The following LRCH2 variants were observed in gnomAD, a reference collection of about 807,000 sequenced individuals.
LRCH2 encodes leucine rich repeats and calponin homology domain containing 2, also known as leucine-rich repeat and calponin homology domain-containing protein 2.
A neutral mutation model predicts 68.9 loss-of-function variants in LRCH2; 38 were observed. The ratio of observed to expected loss-of-function variants is 0.55; its 90% CI spans 0.43 to 0.72. The LOEUF is 0.72. Among genes scored for constraint, LRCH2 ranks in the 30% least tolerant of loss-of-function variants. The pLI is 0.00. For synonymous variants in LRCH2, 191 were observed against 208.1 expected (o/e 0.92, Z 0.71); for missense variants, 528 against 572.9 (o/e 0.92, Z 0.80).
At chrX:115,194,164 T>A (rs189928539) in intron 1 of LRCH2, among the ~76,000 whole-genome samples, 1 of 111,283 alleles carries the variant, frequency 9.0e-6, no homozygotes, top group African/African-American at 3.3e-5. Flanking sequence ...AGGAGAGAGA[T>A]ATATATTCTC....
chrX:115,137,047 C>A (rs2147358954), intron 14 of LRCH2, among the ~76,000 whole-genome samples: 1 of 111,726 alleles, frequency 9.0e-6, no homozygotes, highest in African/African-American at 3.2e-5. Flanking sequence ...GTGCTGGGAA[C>A]ATTATCAATC....
At chrX:115,159,484 G>T (rs1603047735) in intron 11 of LRCH2, among the ~76,000 whole-genome samples, 2 of 110,609 alleles carry the variant, frequency 1.8e-5, no homozygotes, top group East Asian at 5.7e-4. Context: ...CGGCGCGGTG[G>T]CTCACGCCTG....
intron 1 of LRCH2, among the ~76,000 whole-genome samples, chrX:115,215,424 C>T (rs1556571179): frequency 9.0e-6 from 1 of 110,789 alleles, no homozygotes; most frequent in Non-Finnish European, 1.9e-5. Flanking sequence ...TTCAACCTCA[C>T]TGTAATCAAA....
At chrX:115,128,384 C>T (rs993419958) in intron 15 of LRCH2, among the ~76,000 whole-genome samples, 2 of 111,618 alleles carry the variant, frequency 1.8e-5, no homozygotes, top group Non-Finnish European at 3.8e-5. Context: ...AATATATGTG[C>T]TATGTTTTTT....
At chrX:115,189,673 G>A (rs1343663563) in intron 1 of LRCH2, 4 of 1,167,332 alleles carry the variant, frequency 3.4e-6, no homozygotes, top group Non-Finnish European at 4.6e-6. Context: ...GGATGGTAAG[G>A]CCATCATGGT....
intron 12 of LRCH2, among the ~76,000 whole-genome samples, chrX:115,155,423 G>T (rs2072467662): frequency 9.1e-6 from 1 of 110,315 alleles, no homozygotes; most frequent in Non-Finnish European, 1.9e-5. Context: ...TTCTACACAT[G>T]TATCTCAGAA....
At chrX:115,210,949 CT>C (rs1471724896) in intron 1 of LRCH2, among the ~76,000 whole-genome samples, 2 of 112,029 alleles carry the variant, frequency 1.8e-5, no homozygotes, top group African/African-American at 6.5e-5. Context: ...TTTGGAATGG[CT>C]GTATTTACCC....
chrX:115,189,999 G>A lies in LRCH2; in HGVS notation c.350-1629C>T, dbSNP rs1160072360. 7.8e-6 allele frequency: 9 copies of A among 1,160,431 alleles called. No homozygotes were observed. The Admixed American group carries it at 1.3e-4, about 17-fold the overall frequency. On this transcript the variant is annotated intron_variant, in intron 1 of 20. Coordinates refer to ENST00000317135, the MANE Select transcript of LRCH2 (RefSeq NM_020871.4). ...TGCGCGGGAAGGCACCGACTGTGTC[G>A]GGGCAAGATGGCTACTCAGGCTTGC...
intron 7 of LRCH2, 49 bp from the exon 8 acceptor site, chrX:115,166,001 T>A: frequency 1.1e-6 from 1 of 890,134 alleles, no homozygotes; most frequent in African/African-American, 2.0e-5. Flanking sequence ...AAACTTACGA[T>A]ATGGATTATG....
At position 115,192,755 on chromosome X, in the gene LRCH2, T is replaced by C; in HGVS notation, c.350-4385A>G. Reference sequence around the variant, plus strand: ...ATAAGTAGGAGTTGTTTTTACCTTTTAAGAATTTCCTGTTAAGATCTCCAT... The same window carrying C: ...ATAAGTAGGAGTTGTTTTTACCTTTCAAGAATTTCCTGTTAAGATCTCCAT... On this transcript the variant is annotated intron_variant, in intron 1 of 20. Transcript: ENST00000317135. The C allele has an allele frequency of 3.8e-6, 3 of 791,740 alleles. No individual in the cohort carries two copies. In the Admixed American group the frequency reaches 1.0e-4, roughly 28 times the overall value. 65.2% of individuals were successfully genotyped at this position (791,740 alleles called of 1,213,427 possible).
In LRCH2 at chrX:115,204,433, A is replaced by G. The variant is rs782020192; in HGVS notation, c.350-16063T>C. ...CCCAGTAAATGGGTTTTTCTTTTCC[A>G]CCATATAGGCTGCAGATTTTCCAAA... is the stretch of plus-strand genomic sequence containing the variant. On this transcript the variant is annotated intron_variant, in intron 1 of 20. Transcript: ENST00000317135. 4.4e-5 allele frequency among the ~76,000 whole-genome samples: 5 copies of G among 112,659 alleles called. No individual in the cohort carries two copies. The East Asian group carries it at 1.4e-3, about 32-fold the overall frequency.
At chrX:115,161,883 C>T (rs2072521443) in intron 11 of LRCH2, among the ~76,000 whole-genome samples, 1 of 108,927 alleles carries the variant, frequency 9.2e-6, no homozygotes, top group Non-Finnish European at 1.9e-5. Context: ...TAATTATGCA[C>T]TCAAATGCTA....
At chrX:115,233,302 T>C (rs181576064) in intron 1 of LRCH2, among the ~76,000 whole-genome samples, 31 of 111,993 alleles carry the variant, frequency 2.8e-4, no homozygotes, top group African/African-American at 9.7e-4. Context: ...TTAAGGAATA[T>C]GTAGAGATTA....
intron 1 of LRCH2, among the ~76,000 whole-genome samples, chrX:115,215,325 A>G (rs144515612): frequency 0.01 from 1,173 of 111,958 alleles, 11 homozygotes; most frequent in Non-Finnish European, 0.012. Flanking sequence ...GCAAAAAGAT[A>G]CCAACAACTC....
At chrX:115,118,990 A>T (rs1271007540) in intron 20 of LRCH2, among the ~76,000 whole-genome samples, 2 of 111,827 alleles carry the variant, frequency 1.8e-5, no homozygotes, top group East Asian at 5.6e-4. Context: ...AAAAACTCTC[A>T]ATAAATTAGG....
chrX:115,207,798 A>C (rs2072979556), intron 1 of LRCH2, among the ~76,000 whole-genome samples: 1 of 112,207 alleles, frequency 8.9e-6, no homozygotes, highest in Admixed American at 9.5e-5. Context: ...TTATATGCTA[A>C]AGGTTTTACA....
At chrX:115,125,036 A>T (rs934049399) in intron 16 of LRCH2, among the ~76,000 whole-genome samples, 3 of 110,996 alleles carry the variant, frequency 2.7e-5, no homozygotes, top group Non-Finnish European at 5.7e-5. Context: ...CCCTATCCAA[A>T]TCTACAAGCC....
chrX:115,166,730 C>T (rs1182594528), intron 6 of LRCH2, among the ~76,000 whole-genome samples: 9 of 110,589 alleles, frequency 8.1e-5, no homozygotes, highest in African/African-American at 2.3e-4. Flanking sequence ...TCTTCATTGG[C>T]TCTAAAAATG....
chrX:115,184,252 T>C (rs1157305007), intron 3 of LRCH2, among the ~76,000 whole-genome samples, 159 bp downstream of exon 3: 6 of 112,229 alleles, frequency 5.3e-5, no homozygotes, highest in African/African-American at 9.7e-5. Context: ...CTCAGACATA[T>C]AGTATCTCAA....
Sources: allele counts gnomAD v4.1 joint callset (sites outside exome capture counted in the v4.1 genomes callset), GRCh38; gene constraint gnomAD v4.1.1; transcripts MANE v1.5; gene names NCBI Gene and HGNC (gene_info 2026-07-23, HGNC 2026-07-21).